BAZ1A: variants seen among roughly 807,000 people sequenced by gnomAD.
BAZ1A encodes the protein bromodomain adjacent to zinc finger domain protein 1A.
A neutral mutation model predicts 185.2 loss-of-function variants in BAZ1A; 50 were observed. The observed-to-expected ratio is 0.27, with a 90% CI of 0.22 to 0.34. BAZ1A has a LOEUF of 0.34. BAZ1A is among the 10% of genes least tolerant of loss of function. The pLI, the probability that BAZ1A is intolerant of heterozygous loss-of-function variation, is 1.00. For missense variants in BAZ1A, 1,356 were observed against 1,839.9 expected, an observed-to-expected ratio of 0.74 and a Z score of 4.81; for synonymous variants, 571 against 615.6, an observed-to-expected ratio of 0.93 and a Z score of 1.07.
intron 26 of BAZ1A, 21 bp downstream of exon 26, chr14:34,754,806 A>G: frequency 6.7e-7 from 1 of 1,498,164 alleles, no homozygotes; most frequent in Non-Finnish European, 9.1e-7. Context: ...TAAATATCAA[A>G]GAAAAACATA....
At chr14:34,869,711 G>T (rs2042921682) in intron 2 of BAZ1A, among the ~76,000 whole-genome samples, 1 of 152,168 alleles carries the variant, frequency 6.6e-6, no homozygotes, top group Non-Finnish European at 1.5e-5. Flanking sequence ...TTGCAAAGAG[G>T]TCTAAAGGTG....
chr14:34,758,555 G>A, intron 25 of BAZ1A, 149 bp downstream of exon 25: 2 of 762,032 alleles, frequency 2.6e-6, no homozygotes, highest in Non-Finnish European at 2.0e-6. Flanking sequence ...ACTCCAGCCT[G>A]GGCGACAGAG....
chr14:34,852,790 A>G (rs1420007445), intron 3 of BAZ1A, among the ~76,000 whole-genome samples: 1 of 152,200 alleles, frequency 6.6e-6, no homozygotes, highest in African/African-American at 2.4e-5. Flanking sequence ...TAATACGTGA[A>G]AAAAGACTAA....
At chr14:34,807,736 A>G (rs534983922) in intron 5 of BAZ1A, among the ~76,000 whole-genome samples, 198 bp from the exon 6 acceptor site, 3 of 152,368 alleles carry the variant, frequency 2.0e-5, no homozygotes, top group African/African-American at 7.2e-5. Context: ...TATAAGATCT[A>G]CATGAGTGAA....
At chr14:34,862,988 C>T (rs867463440) in intron 2 of BAZ1A, among the ~76,000 whole-genome samples, 38 of 119,730 alleles carry the variant, frequency 3.2e-4, no homozygotes, top group African/African-American at 1.2e-3. Context: ...TCCACTCTCT[C>T]TTTTTTTTTT....
chr14:34,840,435 A>G (rs2042395144), intron 3 of BAZ1A, among the ~76,000 whole-genome samples: 1 of 152,196 alleles, frequency 6.6e-6, no homozygotes, highest in South Asian at 2.1e-4. Flanking sequence ...AGAATTTACA[A>G]TGAAATTATT....
chr14:34,867,995 T>C (rs1246249219), intron 2 of BAZ1A, among the ~76,000 whole-genome samples: 1 of 152,200 alleles, frequency 6.6e-6, no homozygotes, highest in Non-Finnish European at 1.5e-5. Context: ...TAAGCAAAAA[T>C]GATAACATAC....
At chr14:34,842,158 T>G (rs376839200) in intron 3 of BAZ1A, among the ~76,000 whole-genome samples, 1 of 152,110 alleles carries the variant, frequency 6.6e-6, no homozygotes, top group Non-Finnish European at 1.5e-5. Flanking sequence ...ATATAAAATT[T>G]GCCTGTGTGT....
At chr14:34,855,004 A>C (rs952363046) in intron 3 of BAZ1A, among the ~76,000 whole-genome samples, 5 of 152,104 alleles carry the variant, frequency 3.3e-5, no homozygotes, top group African/African-American at 1.2e-4. Context: ...GCTCGAACCC[A>C]GTAGGCGGAG....
intron 25 of BAZ1A, among the ~76,000 whole-genome samples, chr14:34,757,971 T>TCTCCTGACCTCGTGATC (rs1383488979): frequency 2.6e-5 from 4 of 151,056 alleles, no homozygotes; most frequent in African/African-American, 7.3e-5. Flanking sequence ...ATGGTCTTGA[T>TCTCCTGACCTCGTGATC]CTCCTGACCT....
At chr14:34,762,247 A>G in intron 23 of BAZ1A, 24 bp from the exon 24 acceptor site, 2 of 1,599,976 alleles carry the variant, frequency 1.3e-6, no homozygotes, top group East Asian at 4.5e-5. Context: ...TAGAAAACAC[A>G]ATTATTGTAC....
At chr14:34,784,016 A>T in intron 14 of BAZ1A, 89 bp from the exon 15 acceptor site, 1 of 1,192,638 alleles carries the variant, frequency 8.4e-7, no homozygotes, top group Non-Finnish European at 1.1e-6. Context: ...CAATGTGAAA[A>T]TGCCTAATAA....
chr14:34,814,020 G>GAGTA (rs528577218), intron 4 of BAZ1A, among the ~76,000 whole-genome samples: 34 of 148,684 alleles, frequency 2.3e-4, no homozygotes, highest in African/African-American at 7.9e-4. Flanking sequence ...TCCAGCCTGG[G>GAGTA]CAACAGAGCA....
chr14:34,832,213 C>CATATATATATATATATATATATATATAT (rs1491212993), intron 3 of BAZ1A, among the ~76,000 whole-genome samples: 70 of 78,504 alleles, frequency 8.9e-4, no homozygotes, highest in Admixed American at 2.8e-3. Context: ...CACACACACA[C>CATATATATATATATATATATATATATAT]ACATATATAT....
intron 24 of BAZ1A, 118 bp downstream of exon 24, chr14:34,761,639 T>G (rs1886525084): frequency 1.2e-6 from 1 of 866,438 alleles, no homozygotes; most frequent in Admixed American, 2.8e-5. Context: ...GATTGTTCCC[T>G]AATAACTTTG....
intron 12 of BAZ1A, chr14:34,786,603 G>GTT (rs542523340): frequency 0.038 from 4,022 of 106,478 alleles, 558 homozygotes; most frequent in East Asian, 0.18. Flanking sequence ...TCTTTTATGT[G>GTT]TGTTTTTTTT....
At chr14:34,801,666 T>C (rs982492952) in intron 7 of BAZ1A, among the ~76,000 whole-genome samples, 9 of 152,186 alleles carry the variant, frequency 5.9e-5, no homozygotes, top group East Asian at 3.8e-4. Context: ...CCTAGCATTT[T>C]GGGAAGCCAC....
rs771856136 is a variant in BAZ1A, at chr14:34,807,510, T to C, written c.667A>G (p.Lys223Glu). 2 of 1,613,206 alleles carry C rather than the reference T, an allele frequency of 1.2e-6. No homozygotes were observed. The highest frequency in any genetic ancestry group is 1.7e-6 in the Non-Finnish European group (2 of 1,179,436). Residue 223 changes from lysine to glutamate, a missense_variant, in exon 6 of 27, where the codon AAA (lysine) becomes GAA (glutamate). Lys to Glu is a moderately conservative substitution (Grantham distance 56). Transcript: ENST00000360310. ...SRRKHLFSRD[K>E]LKLFLKQHCE... ...TGTTGCTTCAGAAAAAGCTTTAGTT[T>C]ATCACGAGAAAATAGGTGTTTTCTC... is the stretch of plus-strand genomic sequence containing the variant.
intron 24 of BAZ1A, among the ~76,000 whole-genome samples, chr14:34,759,327 C>T (rs1594807442): frequency 6.6e-6 from 1 of 151,686 alleles, no homozygotes; most frequent in Non-Finnish European, 1.5e-5. Context: ...ACTATAGGCA[C>T]CCGCCACGGC....
Sources: allele counts gnomAD v4.1 joint callset (sites outside exome capture counted in the v4.1 genomes callset), GRCh38; gene constraint gnomAD v4.1.1; transcripts MANE v1.5; gene names NCBI Gene and HGNC (gene_info 2026-07-23, HGNC 2026-07-21).